STK32B: variants seen among roughly 807,000 people sequenced by gnomAD.
STK32B encodes serine/threonine-protein kinase 32B.
STK32B carries 43 observed loss-of-function variants against 52.6 expected under a neutral mutation model. The ratio of observed to expected loss-of-function variants is 0.82; its 90% CI spans 0.64 to 1.05. STK32B has a LOEUF of 1.05. STK32B is among the 50% of genes least tolerant of loss of function. The probability of loss-of-function intolerance (pLI) is 0.00; values close to 1 mark genes in which losing one functional copy is unlikely to be tolerated. For missense variants in STK32B, 621 were observed against 534.6 expected, an observed-to-expected ratio of 1.16 and a Z score of -1.59; for synonymous variants, 238 against 204.3, an observed-to-expected ratio of 1.17 and a Z score of -1.41.
At chr4:5,062,709 C>T (rs1742263756) in intron 1 of STK32B, among the ~76,000 whole-genome samples, 1 of 152,122 alleles carries the variant, frequency 6.6e-6, no homozygotes, top group African/African-American at 2.4e-5. Context: ...GGGGTTTCAC[C>T]ATGTTAGCCA....
At chr4:5,434,218 G>A (rs1297303179) in intron 6 of STK32B, among the ~76,000 whole-genome samples, 1 of 152,124 alleles carries the variant, frequency 6.6e-6, no homozygotes, top group East Asian at 1.9e-4. Flanking sequence ...GGCACTGTCA[G>A]GGAATGTGAA....
intron 4 of STK32B, among the ~76,000 whole-genome samples, chr4:5,342,908 T>C (rs918689046): frequency 2.0e-5 from 3 of 152,204 alleles, no homozygotes; most frequent in African/African-American, 4.8e-5. Context: ...TAAATCAATA[T>C]TGATATCCTG....
intron 4 of STK32B, among the ~76,000 whole-genome samples, chr4:5,384,956 G>A (rs1157891864): frequency 6.6e-6 from 1 of 152,140 alleles, no homozygotes; most frequent in Non-Finnish European, 1.5e-5. Flanking sequence ...CAGTCACACG[G>A]TTGTTGCCAT....
chr4:5,462,516 G>A (rs920662139), intron 9 of STK32B, among the ~76,000 whole-genome samples: 6 of 152,070 alleles, frequency 3.9e-5, no homozygotes, highest in East Asian at 1.9e-4. Context: ...ACCCTATTCC[G>A]CTGGCCAATG....
At chr4:5,077,709 G>T (rs12501514) in intron 1 of STK32B, among the ~76,000 whole-genome samples, 1 of 152,002 alleles carries the variant, frequency 6.6e-6, no homozygotes, top group African/African-American at 2.4e-5. Flanking sequence ...GCAATCCATA[G>T]CAAAGAGGCT....
intron 3 of STK32B, among the ~76,000 whole-genome samples, chr4:5,293,537 C>G (rs1001374123): frequency 6.6e-6 from 1 of 152,098 alleles, no homozygotes; most frequent in Non-Finnish European, 1.5e-5. Flanking sequence ...TCTCTAATGA[C>G]CAGTGATAAT....
At chr4:5,454,834 C>T (rs1322562199) in intron 7 of STK32B, among the ~76,000 whole-genome samples, 1 of 152,060 alleles carries the variant, frequency 6.6e-6, no homozygotes, top group African/African-American at 2.4e-5. Flanking sequence ...GTAGTTGTTT[C>T]TGGTGAAGTG....
At chr4:5,162,962 G>A (rs888473341) in intron 2 of STK32B, among the ~76,000 whole-genome samples, 2 of 152,196 alleles carry the variant, frequency 1.3e-5, no homozygotes, top group Admixed American at 1.3e-4. Flanking sequence ...GGGATTTTGA[G>A]CAGGGAAGAA....
Position 5,190,686 on chromosome 4 carries a change from C to T in STK32B, c.260+22236C>T, listed in dbSNP as rs78348973. 9.9e-3 allele frequency among the ~76,000 whole-genome samples: 1,512 copies of T among 152,168 alleles called. 23 individuals carry two copies. Among genetic ancestry groups the T allele is most frequent in the African/African-American group, 0.034 (1,398 of 41,506 alleles). Reference sequence around the variant, plus strand: ...CAGAGCTATAATTCAGAATTCCGGCCGGTGTGAATAAGGATGCTCACAGGA... The same window carrying T: ...CAGAGCTATAATTCAGAATTCCGGCTGGTGTGAATAAGGATGCTCACAGGA... On this transcript the variant is annotated intron_variant, in intron 3 of 11. Coordinates refer to ENST00000282908, the MANE Select transcript of STK32B (RefSeq NM_018401.3).
chr4:5,444,173 G>A (rs1577509521), intron 6 of STK32B, among the ~76,000 whole-genome samples: 2 of 152,152 alleles, frequency 1.3e-5, no homozygotes, highest in South Asian at 4.1e-4. Flanking sequence ...ATCAAGCCTG[G>A]GCAATGGCGG....
intron 6 of STK32B, 55 bp from the exon 7 acceptor site, chr4:5,446,618 T>C: frequency 7.0e-7 from 1 of 1,418,896 alleles, no homozygotes; most frequent in Non-Finnish European, 9.9e-7. Context: ...CTCTAAGGGG[T>C]GGTGGCCATA....
At chr4:5,055,263 ATTT>A (rs36123548) in intron 1 of STK32B, among the ~76,000 whole-genome samples, 28 of 139,922 alleles carry the variant, frequency 2.0e-4, no homozygotes, top group Admixed American at 2.1e-4. Context: ...CTAATTTTTA[ATTT>A]TTTTTTTTTT....
intron 2 of STK32B, among the ~76,000 whole-genome samples, chr4:5,152,122 A>AT (rs754644287): frequency 2.2e-4 from 34 of 152,288 alleles, no homozygotes; most frequent in Non-Finnish European, 3.7e-4. Context: ...ACAGGTCTGC[A>AT]TTTTTTTGGT....
chr4:5,323,018 T>C (rs573389007), intron 3 of STK32B, among the ~76,000 whole-genome samples: 1 of 152,304 alleles, frequency 6.6e-6, no homozygotes, highest in East Asian at 1.9e-4. Flanking sequence ...GTTTCCTCCA[T>C]TGGGCAATTG....
intron 3 of STK32B, among the ~76,000 whole-genome samples, chr4:5,201,401 C>T (rs969878050): frequency 1.3e-5 from 2 of 152,124 alleles, no homozygotes; most frequent in African/African-American, 4.8e-5. Flanking sequence ...TAGGCACAAC[C>T]GTGGAAGCTT....
chr4:5,368,293 T>A (rs6826527), intron 4 of STK32B, among the ~76,000 whole-genome samples: 5 of 111,672 alleles, frequency 4.5e-5, no homozygotes, highest in East Asian at 2.5e-4. Flanking sequence ...GGTCTACTAT[T>A]ATTCCTAATT....
intron 4 of STK32B, among the ~76,000 whole-genome samples, chr4:5,363,862 ATAATCT>A (rs1164337532): frequency 6.6e-6 from 1 of 152,180 alleles, no homozygotes; most frequent in African/African-American, 2.4e-5. Context: ...TGCTAATTAA[ATAATCT>A]TAGTTACCGA....
the STK32B span, among the ~76,000 whole-genome samples, chr4:5,028,395 G>T: frequency 6.6e-6 from 1 of 152,144 alleles, no homozygotes; most frequent in Non-Finnish European, 1.5e-5. Flanking sequence ...TTTCTCTCCT[G>T]GTCCCAGGCC....
chr4:5,097,891 T>G (rs1713487797), intron 1 of STK32B, among the ~76,000 whole-genome samples: 1 of 152,048 alleles, frequency 6.6e-6, no homozygotes, highest in Admixed American at 6.5e-5. Flanking sequence ...GCTGGGGAGT[T>G]ATGCTAACCT....
Sources: allele counts gnomAD v4.1 joint callset (sites outside exome capture counted in the v4.1 genomes callset), GRCh38; gene constraint gnomAD v4.1.1; transcripts MANE v1.5; gene names NCBI Gene and HGNC (gene_info 2026-07-23, HGNC 2026-07-21).